CEP131: variants seen among roughly 807,000 people sequenced by gnomAD.
The protein encoded by CEP131 is centrosomal protein of 131 kDa.
CEP131 carries 99 observed loss-of-function variants against 136.8 expected under a neutral mutation model. The observed-to-expected ratio is 0.72, with a 90% confidence interval of 0.62 to 0.86. The LOEUF (loss-of-function observed/expected upper bound fraction) is 0.86. Among genes scored for constraint, CEP131 ranks in the 40% least tolerant of loss-of-function variants. CEP131 has a pLI of 0.00. For synonymous variants in CEP131, 646 were observed against 612.7 expected, an observed-to-expected ratio of 1.05 and a Z score of -0.80; for missense variants, 1,459 against 1,463.0, an observed-to-expected ratio of 1.00 and a Z score of 0.04.
intron 15 of CEP131, 84 bp from the exon 16 acceptor site, chr17:81,196,035 G>T: frequency 8.5e-7 from 1 of 1,178,416 alleles, no homozygotes; most frequent in Non-Finnish European, 1.2e-6. Context: ...CCCAGCCTCC[G>T]AGGGAGGCTA....
At chr17:81,196,677 C>G in intron 15 of CEP131, 24 bp downstream of exon 15, 1 of 1,594,862 alleles carries the variant, frequency 6.3e-7, no homozygotes, top group South Asian at 1.1e-5. Context: ...GGGTCCGGGC[C>G]TCTGCGCTCC....
intron 23 of CEP131, 24 bp downstream of exon 23, chr17:81,190,883 C>T (rs2061623657): frequency 2.5e-6 from 4 of 1,595,486 alleles, no homozygotes; most frequent in African/African-American, 2.7e-5. Context: ...GTGCCCACTG[C>T]CCACCTGACA....
intron 17 of CEP131, 140 bp downstream of exon 17, chr17:81,194,730 G>A (rs996292832): frequency 3.1e-5 from 24 of 775,068 alleles, no homozygotes; most frequent in Non-Finnish European, 5.0e-5. Context: ...CGTGACGGGG[G>A]TGGTTGGGGC....
intron 21 of CEP131, among the ~76,000 whole-genome samples, chr17:81,191,714 A>G (rs2061645587): frequency 6.6e-6 from 1 of 152,144 alleles, no homozygotes; most frequent in Non-Finnish European, 1.5e-5. Context: ...AAGCCTCTGA[A>G]AACTCCCAGA....
At position 81,194,033 on chromosome 17, in the gene CEP131, A is replaced by G; in HGVS notation, c.2214T>C (p.Asp738=). 6.3e-7 allele frequency: 1 copy of G among 1,579,696 alleles called. No homozygotes were observed. The highest frequency in any genetic ancestry group is 8.6e-7 in the Non-Finnish European group (1 of 1,163,314). ...SLHEAELLQS[D]ERASQRCLRQ... ...GCAGGCAGCGCTGCGAGGCCCGCTC[A>G]TCCGACTGCAGCAGCTCCGCCTCGT... Residue 738 remains aspartate, a synonymous_variant, in exon 18 of 26, where the codon GAT becomes GAC. Coordinates refer to ENST00000450824, the MANE Select transcript of CEP131 (RefSeq NM_014984.4).
intron 21 of CEP131, 48 bp downstream of exon 21, chr17:81,192,270 C>A (rs753881831): frequency 6.6e-7 from 1 of 1,524,544 alleles, no homozygotes; most frequent in Non-Finnish European, 8.9e-7. Context: ...CTCCTGCCCA[C>A]GCAGGGCAGC....
intron 2 of CEP131, among the ~76,000 whole-genome samples, chr17:81,211,090 G>C (rs534573756): frequency 6.6e-6 from 1 of 152,320 alleles, no homozygotes; most frequent in African/African-American, 2.4e-5. Flanking sequence ...TCACGGGCTT[G>C]GTCATACCTT....
intron 2 of CEP131, among the ~76,000 whole-genome samples, chr17:81,216,455 C>T (rs965357529): frequency 3.3e-5 from 5 of 152,166 alleles, no homozygotes; most frequent in African/African-American, 7.2e-5. Flanking sequence ...CACTTGTGTC[C>T]GGGAGGTGGA....
At chr17:81,200,517 G>A in intron 7 of CEP131, 71 bp from the exon 8 acceptor site, 3 of 1,198,076 alleles carry the variant, frequency 2.5e-6, no homozygotes, top group Middle Eastern at 2.7e-4. Context: ...GCTGCTGGTG[G>A]AAGGTCGAGC....
intron 23 of CEP131, 48 bp downstream of exon 23, chr17:81,190,859 G>A: frequency 6.3e-7 from 1 of 1,593,464 alleles, no homozygotes; most frequent in Admixed American, 1.7e-5. Context: ...CGTGCATGCA[G>A]GAGGGGCCTG....
At chr17:81,216,960 A>G (rs1307877950) in intron 2 of CEP131, among the ~76,000 whole-genome samples, 1 of 152,350 alleles carries the variant, frequency 6.6e-6, no homozygotes, top group Admixed American at 6.5e-5. Flanking sequence ...GGCACCACTC[A>G]TGCTCAGATG....
chr17:81,192,681 A>T, intron 19 of CEP131, 55 bp downstream of exon 19: 9 of 155,018 alleles, frequency 5.8e-5, no homozygotes, highest in Non-Finnish European at 9.6e-5. Context: ...GGCGGGGGGG[A>T]GGGGTCAGCC....
In CEP131 at chr17:81,220,116, A is replaced by G. The variant is rs1362973352; in HGVS notation, c.-17-43T>C. Reference sequence around the variant, plus strand: ...AGCTGCAATGAGATGCCGTGGGGGAACTACAGTCCCCTGCACCCACCATCT... The same window carrying G: ...AGCTGCAATGAGATGCCGTGGGGGAGCTACAGTCCCCTGCACCCACCATCT... On this transcript the variant is annotated intron_variant, in intron 1 of 25. Coordinates refer to ENST00000450824, the MANE Select transcript of CEP131 (RefSeq NM_014984.4). 2.8e-6 allele frequency: 4 copies of G among 1,437,318 alleles called. No individual in the cohort carries two copies. In the East Asian group the frequency reaches 7.7e-5, roughly 28 times the overall value. The allele number at this position is 1,437,318 out of a possible 1,614,324, so 89.0% of individuals were successfully genotyped here. A position where few individuals can be genotyped will look rare whatever the true frequency, so the allele number is the denominator to read the frequency against.
rs776922751 is a variant in CEP131 at position 81,196,682 on chromosome 17, C to A, written c.1899+19G>T. Reference sequence around the variant, plus strand: ...GCCACGCGCTGGGTCCGGGCCTCTGCGCTCCCCGGGCCGCTCACCTGGTCA... The same window carrying A: ...GCCACGCGCTGGGTCCGGGCCTCTGAGCTCCCCGGGCCGCTCACCTGGTCA... On this transcript the variant is annotated intron_variant, in intron 15 of 25. Transcript: ENST00000450824. 5 of 1,596,424 alleles carry A rather than the reference C, an allele frequency of 3.1e-6. No homozygotes were observed. In the East Asian group the frequency reaches 1.1e-4, roughly 36 times the overall value.
chr17:81,220,838 G>A (rs886103042), intron 1 of CEP131, among the ~76,000 whole-genome samples: 2 of 151,768 alleles, frequency 1.3e-5, no homozygotes, highest in African/African-American at 2.4e-5. Flanking sequence ...GGGGTTGCGT[G>A]TTGGCCGGGC....
chr17:81,190,536 C>T (rs2061614167), intron 24 of CEP131, 103 bp downstream of exon 24: 2 of 1,380,680 alleles, frequency 1.4e-6, no homozygotes, highest in Admixed American at 5.8e-5. Flanking sequence ...TCTGCATCTC[C>T]TGGCCTTCCT....
In CEP131 at chr17:81,219,812, G is replaced by T; in HGVS notation, c.177+68C>A. The T allele has an allele frequency of 6.9e-7, 1 of 1,441,604 alleles. No homozygotes were observed. Among genetic ancestry groups the T allele is most frequent in the Non-Finnish European group, 9.3e-7 (1 of 1,080,770 alleles). 89.3% of individuals were successfully genotyped at this position (1,441,604 alleles called of 1,614,324 possible). The stretch of plus-strand genomic sequence containing the variant: ...TTCACCTGTGGAGCTGGACCCAGGG[G>T]TCAGATGCCAACTGAACAACAGCCC... On this transcript the variant is annotated intron_variant, in intron 2 of 25. Coordinates refer to ENST00000450824, the MANE Select transcript of CEP131 (RefSeq NM_014984.4). The surrounding 1 kb of genome is among the most constrained non-coding windows in gnomAD (Gnocchi z 4.0).
rs1212602659 is a variant in CEP131, at chr17:81,212,380, G to A, written c.178-3358C>T. Among the ~76,000 whole-genome samples the A allele has an allele frequency of 5.9e-5, 9 of 152,150 alleles. No individual in the cohort carries two copies. The East Asian group carries it at 1.2e-3, about 20-fold the overall frequency. Reference sequence around the variant, plus strand: ...GTTCAGCCTCACTCACAGATGTTAAGTTAGAAATAAAATCAGAGGTGGAGG... The same window carrying A: ...GTTCAGCCTCACTCACAGATGTTAAATTAGAAATAAAATCAGAGGTGGAGG... On this transcript the variant is annotated intron_variant, in intron 2 of 25. Transcript: ENST00000450824.
Position 81,189,733 on chromosome 17 carries a change from C to A in CEP131, c.*36G>T. The A allele has an allele frequency of 6.4e-7, 1 of 1,560,342 alleles. No individual in the cohort carries two copies. The highest frequency in any genetic ancestry group is 8.7e-7 in the Non-Finnish European group (1 of 1,149,744). On this transcript the variant is annotated 3_prime_UTR_variant, in exon 26 of 26. Transcript: ENST00000450824. ...GCCCACGTCCAGCCTCTGTCCTCTGCCTTCCGTTCTTCGACAGTGTTCCCG... is the reference window on the plus strand; with the variant it reads ...GCCCACGTCCAGCCTCTGTCCTCTGACTTCCGTTCTTCGACAGTGTTCCCG...
Sources: allele counts gnomAD v4.1 joint callset (sites outside exome capture counted in the v4.1 genomes callset), GRCh38; gene constraint gnomAD v4.1.1; non-coding constraint Gnocchi (gnomAD v3.1); transcripts MANE v1.5; gene names NCBI Gene and HGNC (gene_info 2026-07-23, HGNC 2026-07-21).